NRCAM: variants seen among roughly 807,000 people sequenced by gnomAD.
NRCAM encodes the protein neuronal cell adhesion molecule.
Under a neutral mutation model 156.5 loss-of-function variants are expected in NRCAM, and 83 were observed. The ratio of observed to expected loss-of-function variants is 0.53; its 90% confidence interval spans 0.44 to 0.64. The LOEUF (loss-of-function observed/expected upper bound fraction) is 0.64, where lower values mean the gene tolerates loss of function less well. NRCAM is among the 30% of genes least tolerant of loss of function. The probability of loss-of-function intolerance (pLI) is 0.00; values close to 1 mark genes in which losing one functional copy is unlikely to be tolerated. For missense variants in NRCAM, 1,417 were observed against 1,597.3 expected (o/e 0.89, Z 1.92); for synonymous variants, 538 against 563.9 (o/e 0.95, Z 0.65).
intron 2 of NRCAM, among the ~76,000 whole-genome samples, chr7:108,335,434 C>CTTT (rs58975301): frequency 0.016 from 1,084 of 69,792 alleles, 75 homozygotes; most frequent in East Asian, 0.03. Flanking sequence ...GTTCCACCTG[C>CTTT]TTTTTTTTTT....
At chr7:108,267,282 T>C (rs1000684477) in intron 3 of NRCAM, among the ~76,000 whole-genome samples, 2 of 152,236 alleles carry the variant, frequency 1.3e-5, no homozygotes, top group Admixed American at 1.3e-4. Flanking sequence ...GCTTGCAAGA[T>C]GTGTGATTAG....
At chr7:108,199,515 G>C (rs998249620) in intron 13 of NRCAM, among the ~76,000 whole-genome samples, 1 of 152,222 alleles carries the variant, frequency 6.6e-6, no homozygotes, top group African/African-American at 2.4e-5. Flanking sequence ...GCTTTCTGAA[G>C]GTTCTAGGGG....
intron 27 of NRCAM, among the ~76,000 whole-genome samples, chr7:108,176,012 G>C (rs2060341504): frequency 6.6e-6 from 1 of 152,050 alleles, no homozygotes; most frequent in African/African-American, 2.4e-5. Flanking sequence ...ATCAGGACCA[G>C]AACTCGAATT....
At chr7:108,220,519 A>G (rs1241303422) in intron 11 of NRCAM, among the ~76,000 whole-genome samples, 5 of 152,194 alleles carry the variant, frequency 3.3e-5, no homozygotes, top group Non-Finnish European at 7.4e-5. Flanking sequence ...AGTGGAACAG[A>G]ATAGAGAACC....
chr7:108,367,364 A>G (rs1337030129), intron 2 of NRCAM, among the ~76,000 whole-genome samples: 2 of 152,210 alleles, frequency 1.3e-5, no homozygotes, highest in Non-Finnish European at 2.9e-5. Context: ...TAAAGCTTGA[A>G]GAATGCATTT....
intron 29 of NRCAM, among the ~76,000 whole-genome samples, chr7:108,167,690 G>A (rs958158486): frequency 2.6e-5 from 4 of 152,150 alleles, no homozygotes; most frequent in African/African-American, 9.7e-5. Context: ...GCACTTAGGA[G>A]GGGGGTACTG....
intron 2 of NRCAM, among the ~76,000 whole-genome samples, chr7:108,357,621 G>A (rs766607789): frequency 6.6e-6 from 1 of 151,924 alleles, no homozygotes; most frequent in Non-Finnish European, 1.5e-5. Flanking sequence ...GTGAGCCACC[G>A]GGCCCGGCCA....
Position 108,178,253 on chromosome 7 carries a change from C to G in NRCAM, c.2852-141G>C, listed in dbSNP as rs1031963752. On this transcript the variant is annotated intron_variant, in intron 25 of 32. Coordinates refer to ENST00000379028, the MANE Select transcript of NRCAM (RefSeq NM_001037132.4). ...TGATTCAGCTGAAAATACATTAGTA[C>G]AAACCTGTGACAGGCACCCATTTAG... The G allele has an allele frequency of 1.1e-5, 8 of 743,860 alleles. No individual in the cohort carries two copies. In the Admixed American group the frequency reaches 2.2e-4, roughly 21 times the overall value. The allele number at this position is 743,860 out of a possible 1,614,324, so 46.1% of individuals were successfully genotyped here. A position where few individuals can be genotyped will look rare whatever the true frequency, so the allele number is the denominator to read the frequency against.
At chr7:108,359,913 T>C (rs2284287) in intron 2 of NRCAM, among the ~76,000 whole-genome samples, 2 of 152,006 alleles carry the variant, frequency 1.3e-5, no homozygotes, top group Non-Finnish European at 1.5e-5. Flanking sequence ...ATTTCATTCC[T>C]ATAGATGAGT....
At chr7:108,210,842 G>A (rs1466640033) in intron 11 of NRCAM, among the ~76,000 whole-genome samples, 1 of 152,162 alleles carries the variant, frequency 6.6e-6, no homozygotes, top group Admixed American at 6.5e-5. Context: ...ATATGGTCCA[G>A]GCCCTCAGGA....
intron 32 of NRCAM, among the ~76,000 whole-genome samples, chr7:108,150,535 A>C (rs746530264): frequency 3.4e-4 from 51 of 152,226 alleles, no homozygotes; most frequent in Admixed American, 3.3e-4. Context: ...TAGTATGTTA[A>C]ACTGCATAAT....
rs144249358 is a variant in NRCAM, at chr7:108,429,110, T to C, written c.-332+27133A>G. 3.7e-4 allele frequency among the ~76,000 whole-genome samples: 56 copies of C among 152,352 alleles called. No homozygotes were observed. The Middle Eastern group carries it at 0.01, about 28-fold the overall frequency. On this transcript the variant is annotated intron_variant, in intron 1 of 32. Transcript: ENST00000379028. The stretch of plus-strand genomic sequence containing the variant: ...GTCCTTAATTGACAACATTTAATTT[T>C]TAAAAATTTAAATTGCAAAACAATA...
chr7:108,184,316 A>G lies in NRCAM; in HGVS notation c.2234-5T>C. ...CTGTGGGGTTTTTATCTGGTTCTGG[A>G]AGTTAAGCAGCCACACATGTGTAAG... On this transcript the variant is annotated splice_region_variant and splice_polypyrimidine_tract_variant and intron_variant, in intron 21 of 32. Coordinates refer to ENST00000379028, the MANE Select transcript of NRCAM (RefSeq NM_001037132.4). 6.2e-7 allele frequency: 1 copy of G among 1,614,098 alleles called. No homozygotes were observed. The highest frequency in any genetic ancestry group is 8.5e-7 in the Non-Finnish European group (1 of 1,179,986).
intron 3 of NRCAM, among the ~76,000 whole-genome samples, chr7:108,274,604 T>A (rs1046665438): frequency 6.6e-6 from 1 of 152,238 alleles, no homozygotes; most frequent in Non-Finnish European, 1.5e-5. Flanking sequence ...CCTGAGACTT[T>A]GCGGAAGTTG....
chr7:108,176,403 T>C (rs1318373992), intron 27 of NRCAM, 27 bp downstream of exon 27: 1 of 1,585,578 alleles, frequency 6.3e-7, no homozygotes, highest in East Asian at 2.2e-5. Flanking sequence ...CTTATAATTA[T>C]ATGGATTTTA....
intron 3 of NRCAM, 97 bp downstream of exon 3, chr7:108,312,568 T>C (rs898550296): frequency 5.3e-5 from 8 of 152,222 alleles, no homozygotes; most frequent in African/African-American, 1.9e-4. Flanking sequence ...TTGAAAAGTA[T>C]TAAATATGGC....
intron 1 of NRCAM, among the ~76,000 whole-genome samples, chr7:108,449,268 C>T (rs1030042277): frequency 6.6e-6 from 1 of 152,188 alleles, no homozygotes; most frequent in African/African-American, 2.4e-5. Flanking sequence ...AATTTCAATT[C>T]GAACTAATCT....
intron 2 of NRCAM, among the ~76,000 whole-genome samples, chr7:108,364,797 G>A (rs2099581800): frequency 8.9e-6 from 1 of 112,374 alleles, no homozygotes; most frequent in Admixed American, 1.4e-4. Flanking sequence ...CAAATCCACA[G>A]AAACATAAGG....
chr7:108,344,401 C>G (rs571759038), intron 2 of NRCAM, among the ~76,000 whole-genome samples: 18 of 152,154 alleles, frequency 1.2e-4, no homozygotes, highest in African/African-American at 4.1e-4. Context: ...GGATATAAAC[C>G]CAGGCATTCG....
Sources: allele counts gnomAD v4.1 joint callset (sites outside exome capture counted in the v4.1 genomes callset), GRCh38; gene constraint gnomAD v4.1.1; transcripts MANE v1.5; gene names NCBI Gene and HGNC (gene_info 2026-07-23, HGNC 2026-07-21).